The following FOCAD variants were observed in gnomAD, a reference collection of about 807,000 sequenced individuals.
FOCAD encodes KIAA1797.
FOCAD carries 198 observed loss-of-function variants against 225.6 expected under a neutral mutation model. That is an observed-to-expected ratio of 0.88 (90% CI 0.78 to 0.99). The LOEUF is 0.99. Ranked by LOEUF, FOCAD falls within the 50% of genes least tolerant of loss-of-function variation. FOCAD has a pLI of 0.00. For missense variants in FOCAD, 2,713 were observed against 2,123.6 expected (o/e 1.28, Z -5.46); for synonymous variants, 897 against 755.0 (o/e 1.19, Z -3.08).
intron 22 of FOCAD, among the ~76,000 whole-genome samples, chr9:20,912,420 A>G (rs1452839601): frequency 5.9e-5 from 9 of 152,202 alleles, no homozygotes; most frequent in Non-Finnish European, 1.0e-4. Context: ...AACTTATATT[A>G]TATCTTACCG....
At chr9:20,689,736 G>A (rs1195175850) in intron 1 of FOCAD, among the ~76,000 whole-genome samples, 2 of 152,156 alleles carry the variant, frequency 1.3e-5, no homozygotes, top group Non-Finnish European at 2.9e-5. Flanking sequence ...GGGTGACAGC[G>A]CTTCTCTGAA....
intron 7 of FOCAD, among the ~76,000 whole-genome samples, chr9:20,767,286 C>T (rs867141051): frequency 0.014 from 2,017 of 149,202 alleles, 58 homozygotes; most frequent in African/African-American, 0.047. Flanking sequence ...AATAAACATA[C>T]GTGTGCATGT....
In FOCAD at chr9:20,885,127, A is replaced by C; in HGVS notation, c.2522A>C (p.Tyr841Ser). The C allele has an allele frequency of 6.7e-7, 1 of 1,493,658 alleles. No individual in the cohort carries two copies. The highest frequency in any genetic ancestry group is 2.5e-5 in the East Asian group (1 of 40,524). 92.5% of individuals were successfully genotyped at this position (1,493,658 alleles called of 1,614,324 possible). The change falls in exon 21 of 44, where the codon TAT becomes TCT. Residue 841 changes from tyrosine to serine, a missense_variant. Tyr to Ser is a moderately radical substitution (Grantham distance 144). Transcript: ENST00000338382. Reference protein sequence around the residue: ...PGLAGGMLFCYDVSMYQSKDG... With the variant: ...PGLAGGMLFCSDVSMYQSKDG... ...TTTAAAGGTGGTATGTTATTTTGCT[A>C]TGATGTTTCCATGTATCAGAGTAAA...
intron 18 of FOCAD, among the ~76,000 whole-genome samples, chr9:20,869,582 A>G (rs553583606): frequency 1.3e-5 from 2 of 152,278 alleles, no homozygotes; most frequent in Non-Finnish European, 2.9e-5. Context: ...ATTTAAGGTA[A>G]TGTACTGGAT....
intron 4 of FOCAD, among the ~76,000 whole-genome samples, chr9:20,728,775 T>C (rs1826425161): frequency 6.6e-6 from 1 of 152,166 alleles, no homozygotes; most frequent in Admixed American, 6.5e-5. Context: ...GTGGATTAGG[T>C]CTCTTTGGGC....
chr9:20,981,475 A>G lies in FOCAD; in HGVS notation c.4427A>G (p.His1476Arg). Residue 1476 changes from histidine to arginine, a missense_variant, in exon 38 of 44, where the codon CAC becomes CGC. Physicochemically the swap from His to Arg is conservative, Grantham distance 29. Transcript: ENST00000338382. Reference protein sequence around the residue: ...LLISAPLWIKHISDEQILGFV... With the variant: ...LLISAPLWIKRISDEQILGFV... ...ATATCTGCACCTCTGTGGATAAAAC[A>G]CATCTCTGATGAACAGATCCTGGGT... The G allele has an allele frequency of 1.9e-6, 3 of 1,614,152 alleles. No individual in the cohort carries two copies. Among genetic ancestry groups the G allele is most frequent in the Non-Finnish European group, 2.5e-6 (3 of 1,179,990 alleles).
intron 11 of FOCAD, among the ~76,000 whole-genome samples, chr9:20,797,101 A>C (rs764888049): frequency 1.3e-5 from 2 of 152,058 alleles, no homozygotes; most frequent in African/African-American, 2.4e-5. Context: ...GTTTTTTGTG[A>C]GGTCTGTCAA....
At chr9:20,742,613 G>A (rs964349662) in intron 5 of FOCAD, among the ~76,000 whole-genome samples, 2 of 152,208 alleles carry the variant, frequency 1.3e-5, no homozygotes, top group Non-Finnish European at 2.9e-5. Context: ...AGTATAAGAA[G>A]CATCAGTTTA....
In FOCAD at chr9:20,770,113, T is replaced by A; in HGVS notation, c.781T>A (p.Trp261Arg). The A allele has an allele frequency of 6.2e-7, 1 of 1,614,130 alleles. No individual in the cohort carries two copies. The highest frequency in any genetic ancestry group is 1.1e-5 in the South Asian group (1 of 91,084). Residue 261 changes from tryptophan (W) to arginine (R), a missense_variant, in exon 8 of 44, where the codon TGG (tryptophan) becomes AGG (arginine). Trp to Arg is a moderately radical substitution (Grantham distance 101). Coordinates refer to ENST00000338382, the MANE Select transcript of FOCAD (RefSeq NM_001375567.1). ...AAGCCTTTTGCGTCATCCTGTTTTC[T>A]GGAAAATTCAGCTTACCCAGATGAG... ...CLSLLRHPVF[W>R]KIQLTQMSLQ...
upstream of FOCAD, among the ~76,000 whole-genome samples, chr9:20,680,979 C>T (rs1822383069): frequency 6.6e-6 from 1 of 152,010 alleles, no homozygotes; most frequent in Non-Finnish European, 1.5e-5. Context: ...GCTTGTGTGA[C>T]AAAGTAAGAT....
In FOCAD at chr9:20,781,873, G is replaced by A. The variant is rs1218899092; in HGVS notation, c.1141G>A (p.Ala381Thr). 6.2e-7 allele frequency: 1 copy of A among 1,614,044 alleles called. No individual in the cohort carries two copies. The highest frequency in any genetic ancestry group is 1.3e-5 in the African/African-American group (1 of 75,026). The change falls in exon 10 of 44, where the codon GCT becomes ACT. Residue 381 changes from alanine to threonine, a missense_variant. Physicochemically the swap from Ala to Thr is moderately conservative, Grantham distance 58. Coordinates refer to ENST00000338382, the MANE Select transcript of FOCAD (RefSeq NM_001375567.1). ...AGAAGGTCCCTCTAGGCAGCAGTTGGCTCTAAACCTTTTGGAAATGATACA... is the reference window on the plus strand; with the variant it reads ...AGAAGGTCCCTCTAGGCAGCAGTTGACTCTAAACCTTTTGGAAATGATACA... ...DEEGPSRQQL[A>T]LNLLEMIQQE... is the part of the protein sequence containing the mutation.
chr9:20,821,850 G>T (rs1023563265), intron 14 of FOCAD, among the ~76,000 whole-genome samples: 1 of 151,860 alleles, frequency 6.6e-6, no homozygotes, highest in Non-Finnish European at 1.5e-5. Context: ...TGTGCAGTGG[G>T]TTGGCCCAGA....
chr9:20,796,847 T>C (rs1164663860), intron 11 of FOCAD, among the ~76,000 whole-genome samples: 2 of 151,818 alleles, frequency 1.3e-5, no homozygotes, highest in Admixed American at 6.6e-5. Flanking sequence ...ATTTTGGCTT[T>C]TGTTGCCATT....
At chr9:20,765,777 T>C (rs1830004883) in intron 7 of FOCAD, among the ~76,000 whole-genome samples, 1 of 152,210 alleles carries the variant, frequency 6.6e-6, no homozygotes, top group Non-Finnish European at 1.5e-5. Flanking sequence ...TTTAGTGTAG[T>C]GATTCATTTA....
chr9:20,711,297 T>G (rs1486512530), intron 1 of FOCAD, among the ~76,000 whole-genome samples: 2 of 152,182 alleles, frequency 1.3e-5, no homozygotes. Context: ...TGGAAACTGT[T>G]TTAGCTAGAT....
At chr9:20,758,261 G>GTTT in intron 6 of FOCAD, 70 bp downstream of exon 6, 1 of 1,028,346 alleles carries the variant, frequency 9.7e-7, no homozygotes, top group Non-Finnish European at 1.4e-6. Context: ...TAGAGCTAGG[G>GTTT]TTTTTTTTTG....
intron 25 of FOCAD, among the ~76,000 whole-genome samples, chr9:20,926,002 A>G (rs973200656): frequency 2.6e-5 from 4 of 152,210 alleles, no homozygotes; most frequent in African/African-American, 7.2e-5. Flanking sequence ...ACTATAATTC[A>G]TTCAACGCAG....
At chr9:20,668,873 T>C (rs1229358567) in intron 2 of FOCAD, among the ~76,000 whole-genome samples, 2 of 151,466 alleles carry the variant, frequency 1.3e-5, no homozygotes, top group East Asian at 3.8e-4. Flanking sequence ...CCAGACAAAC[T>C]TTATTGCCCA....
intron 18 of FOCAD, among the ~76,000 whole-genome samples, chr9:20,869,082 T>C (rs1186953203): frequency 6.6e-6 from 1 of 152,192 alleles, no homozygotes; most frequent in African/African-American, 2.4e-5. Context: ...AAAACAGTGA[T>C]GTGAAACTGC....
Sources: allele counts gnomAD v4.1 joint callset (sites outside exome capture counted in the v4.1 genomes callset), GRCh38; gene constraint gnomAD v4.1.1; transcripts MANE v1.5; gene names NCBI Gene and HGNC (gene_info 2026-07-23, HGNC 2026-07-21).